Variants in MAP3K4 observed in about 807,000 individuals in gnomAD.
MAP3K4 encodes MAP three kinase 1.
A neutral mutation model predicts 185.6 loss-of-function variants in MAP3K4; 67 were observed. The ratio of observed to expected loss-of-function variants is 0.36; its 90% CI spans 0.30 to 0.44. The LOEUF is 0.44. Among genes scored for constraint, MAP3K4 ranks in the 20% least tolerant of loss-of-function variants. The pLI is 1.00. For missense variants in MAP3K4, 1,551 were observed against 1,995.1 expected (o/e 0.78, Z 4.24); for synonymous variants, 702 against 710.4 (o/e 0.99, Z 0.19).
intron 2 of MAP3K4, among the ~76,000 whole-genome samples, chr6:161,041,983 T>C (rs1002411957): frequency 7.4e-6 from 1 of 135,412 alleles, no homozygotes; most frequent in Non-Finnish European, 1.5e-5. Flanking sequence ...GCCCGGAACC[T>C]CTGGACTCAA....
intron 13 of MAP3K4, 41 bp from the exon 14 acceptor site, chr6:161,092,937 T>A: frequency 8.3e-7 from 1 of 1,204,662 alleles, no homozygotes; most frequent in Non-Finnish European, 1.2e-6. Flanking sequence ...TACAGCGTTT[T>A]CTTGGTTGTT....
intron 2 of MAP3K4, among the ~76,000 whole-genome samples, chr6:161,038,236 AC>A (rs1161238243): frequency 1.3e-5 from 2 of 152,192 alleles, no homozygotes; most frequent in African/African-American, 4.8e-5. Context: ...GACCAACAGT[AC>A]AGGCTCATCT....
intron 5 of MAP3K4, among the ~76,000 whole-genome samples, chr6:161,079,930 G>T (rs1785367598): frequency 6.6e-6 from 1 of 152,186 alleles, no homozygotes; most frequent in South Asian, 2.1e-4. Flanking sequence ...CAACAATGAA[G>T]TCTGAGATGT....
At position 161,088,015 on chromosome 6, in the gene MAP3K4, T is replaced by C; in HGVS notation, c.2823+61T>C. 6.6e-7 allele frequency: 1 copy of C among 1,517,900 alleles called. No homozygotes were observed. The highest frequency in any genetic ancestry group is 2.3e-5 in the Admixed American group (1 of 43,228). The allele number at this position is 1,517,900 out of a possible 1,614,324, so 94.0% of individuals were successfully genotyped here. A position where few individuals can be genotyped will look rare whatever the true frequency, so the allele number is the denominator to read the frequency against. ...TCAAGGACTTTTAGTAAGAATGAACTGTTAGCTGCTCATGAATGAGGGGTT... is the reference window on the plus strand; with the variant it reads ...TCAAGGACTTTTAGTAAGAATGAACCGTTAGCTGCTCATGAATGAGGGGTT... On this transcript the variant is annotated intron_variant, in intron 10 of 26. Transcript: ENST00000392142. This position sits in a 1 kb window ranked among gnomAD's most constrained non-coding sequence, Gnocchi z 4.5.
rs1777653902 is a variant in MAP3K4, at chr6:161,098,149, G to T, written c.3525-129G>T. 4 of 1,144,112 alleles carry T rather than the reference G, an allele frequency of 3.5e-6. No individual in the cohort carries two copies. Among genetic ancestry groups the T allele is most frequent in the Non-Finnish European group, 2.5e-6 (2 of 815,160 alleles). 70.9% of individuals were successfully genotyped at this position (1,144,112 alleles called of 1,614,324 possible). On this transcript the variant is annotated intron_variant, in intron 16 of 26. Coordinates refer to ENST00000392142, the MANE Select transcript of MAP3K4 (RefSeq NM_005922.4). This position sits in a 1 kb window ranked among gnomAD's most constrained non-coding sequence, Gnocchi z 4.4. Reference sequence around the variant, plus strand: ...TTTACACCTAGACTCAAATCTCAAAGAACAATTTGCATTTTATATTTTTAA... The same window carrying T: ...TTTACACCTAGACTCAAATCTCAAATAACAATTTGCATTTTATATTTTTAA...
Position 161,098,526 on chromosome 6 carries a change from T to G in MAP3K4, c.3674+99T>G, listed in dbSNP as rs1777682671. 4.9e-6 allele frequency: 7 copies of G among 1,426,638 alleles called. No individual in the cohort carries two copies. The highest frequency in any genetic ancestry group is 6.6e-6 in the Non-Finnish European group (7 of 1,065,658). The allele number at this position is 1,426,638 out of a possible 1,614,324, so 88.4% of individuals were successfully genotyped here. A position where few individuals can be genotyped will look rare whatever the true frequency, so the allele number is the denominator to read the frequency against. On this transcript the variant is annotated intron_variant, in intron 17 of 26. Transcript: ENST00000392142. This position sits in a 1 kb window ranked among gnomAD's most constrained non-coding sequence, Gnocchi z 4.4. ...GGTGTGTGCCGGCTGTGGTTGGGCTTCTTTGCTGTGGCGTGTGAGTGATGC... is the reference window on the plus strand; with the variant it reads ...GGTGTGTGCCGGCTGTGGTTGGGCTGCTTTGCTGTGGCGTGTGAGTGATGC...
intron 2 of MAP3K4, among the ~76,000 whole-genome samples, chr6:161,038,232 C>T (rs1317021950): frequency 1.3e-5 from 2 of 152,160 alleles, no homozygotes; most frequent in African/African-American, 2.4e-5. Context: ...AAATGACCAA[C>T]AGTACAGGCT....
chr6:161,001,712 C>T (rs1264892921), intron 1 of MAP3K4, among the ~76,000 whole-genome samples: 1 of 152,112 alleles, frequency 6.6e-6, no homozygotes, highest in Non-Finnish European at 1.5e-5. Flanking sequence ...TTGAATGTTA[C>T]CTTTTGATTG....
rs1313633093 is a variant in MAP3K4, at chr6:161,116,930, A to G, written c.*60A>G. On this transcript the variant is annotated 3_prime_UTR_variant, in exon 27 of 27. Transcript: ENST00000392142. This position sits in a 1 kb window ranked among gnomAD's most constrained non-coding sequence, Gnocchi z 6.2. ...AATCACTACTGTATGTAATATTTAC[A>G]TAAAGACTGTGCTGAGAAGCAGTAT... The G allele has an allele frequency of 2.7e-6, 4 of 1,488,184 alleles. No homozygotes were observed. The highest frequency in any genetic ancestry group is 4.5e-5 in the East Asian group (2 of 44,294). The allele number at this position is 1,488,184 out of a possible 1,614,324, so 92.2% of individuals were successfully genotyped here.
chr6:160,993,616 A>T (rs1042654788), intron 1 of MAP3K4, among the ~76,000 whole-genome samples: 2 of 152,252 alleles, frequency 1.3e-5, no homozygotes, highest in Non-Finnish European at 2.9e-5. Flanking sequence ...TGGGCGGATC[A>T]GAAATTAGAA....
At position 161,067,016 on chromosome 6, in the gene MAP3K4, G is replaced by T. The variant is rs771493869; in HGVS notation, c.1708-3592G>T. On this transcript the variant is annotated intron_variant, in intron 3 of 26. Coordinates refer to ENST00000392142, the MANE Select transcript of MAP3K4 (RefSeq NM_005922.4). This position sits in a 1 kb window ranked among gnomAD's most constrained non-coding sequence, Gnocchi z 6.3. ...GGCGGTGGAGGGAAGCATTTACAGC[G>T]TCTAAAGCCTTTACTTACACATACC... Among the ~76,000 whole-genome samples the T allele has an allele frequency of 6.6e-6, 1 of 152,150 alleles. No individual in the cohort carries two copies. The highest frequency in any genetic ancestry group is 1.5e-5 in the Non-Finnish European group (1 of 68,038).
rs1354685528 is a variant in MAP3K4, at chr6:161,048,326, A to G, written c.344-290A>G. The G allele has an allele frequency of 1.7e-6, 1 of 604,874 alleles. No individual in the cohort carries two copies. Among genetic ancestry groups the G allele is most frequent in the Non-Finnish European group, 3.2e-6 (1 of 308,900 alleles). 37.5% of individuals were successfully genotyped at this position (604,874 alleles called of 1,614,324 possible). A position where few individuals can be genotyped will look rare whatever the true frequency, so the allele number is the denominator to read the frequency against. ...TACGGAAATTTGGTTAAATGATTTG[A>G]TAACTATGCTTTGTAGCATAGAGAG... On this transcript the variant is annotated intron_variant, in intron 2 of 26. Transcript: ENST00000392142. This position sits in a 1 kb window ranked among gnomAD's most constrained non-coding sequence, Gnocchi z 4.7.
In MAP3K4 at chr6:161,106,407, C is replaced by T. The variant is rs1778074520; in HGVS notation, c.3857-107C>T. On this transcript the variant is annotated intron_variant, in intron 19 of 26. Transcript: ENST00000392142. The surrounding 1 kb of genome is among the most constrained non-coding windows in gnomAD (Gnocchi z 4.9). Reference sequence around the variant, plus strand: ...TTATCTGAATAGATAATAAGCTTTGCTGTAATGGAGTGCTAATATATATTG... The same window carrying T: ...TTATCTGAATAGATAATAAGCTTTGTTGTAATGGAGTGCTAATATATATTG... The T allele has an allele frequency of 2.8e-6, 2 of 706,952 alleles. No individual in the cohort carries two copies. The highest frequency in any genetic ancestry group is 4.7e-5 in the South Asian group (2 of 42,188). The allele number at this position is 706,952 out of a possible 1,614,324, so 43.8% of individuals were successfully genotyped here.
intron 3 of MAP3K4, among the ~76,000 whole-genome samples, chr6:161,055,016 A>AT (rs1784171368): frequency 6.6e-6 from 1 of 151,942 alleles, no homozygotes; most frequent in South Asian, 2.1e-4. Flanking sequence ...GTTTGTACTT[A>AT]TTTTTCCACC....
chr6:161,000,693 T>C (rs1291976737), intron 1 of MAP3K4, among the ~76,000 whole-genome samples: 1 of 151,896 alleles, frequency 6.6e-6, no homozygotes, highest in Non-Finnish European at 1.5e-5. Context: ...CTGATATATA[T>C]ACACACATAT....
intron 1 of MAP3K4, among the ~76,000 whole-genome samples, chr6:161,019,597 CAG>C (rs1227352260): frequency 6.6e-6 from 1 of 152,142 alleles, no homozygotes; most frequent in East Asian, 1.9e-4. Context: ...CTAGTAGAGA[CAG>C]GGTTTCACCA....
At position 161,028,803 on chromosome 6, in the gene MAP3K4, A is replaced by G. The variant is rs542753165; in HGVS notation, c.153-5456A>G. Among the ~76,000 whole-genome samples the G allele has an allele frequency of 3.9e-5, 6 of 152,316 alleles. No individual in the cohort carries two copies. The East Asian group carries it at 5.8e-4, about 15-fold the overall frequency. On this transcript the variant is annotated intron_variant, in intron 1 of 26. Coordinates refer to ENST00000392142, the MANE Select transcript of MAP3K4 (RefSeq NM_005922.4). ...AAACAGTGCAAAAGTTAGATAGTAC[A>G]TGTTGGATAAGCTCGAGGTTTGACC...
rs560798968 is a variant in MAP3K4 at position 161,082,462 on chromosome 6, T to C, written c.2255+1424T>C. Among the ~76,000 whole-genome samples the C allele has an allele frequency of 1.8e-4, 28 of 152,158 alleles. No individual in the cohort carries two copies. Among genetic ancestry groups the C allele is most frequent in the African/African-American group, 6.3e-4 (26 of 41,514 alleles). Reference sequence around the variant, plus strand: ...TCTTTTGCTTGTCCTTCAAATTCCCTAGAGTGCAGTCTCTGGCCTTTGCTT... The same window carrying C: ...TCTTTTGCTTGTCCTTCAAATTCCCCAGAGTGCAGTCTCTGGCCTTTGCTT... On this transcript the variant is annotated intron_variant, in intron 6 of 26. Coordinates refer to ENST00000392142, the MANE Select transcript of MAP3K4 (RefSeq NM_005922.4). This position sits in a 1 kb window ranked among gnomAD's most constrained non-coding sequence, Gnocchi z 4.2.
chr6:160,992,534 T>TCTCCTC (rs979260974), intron 1 of MAP3K4, among the ~76,000 whole-genome samples: 2 of 152,136 alleles, frequency 1.3e-5, no homozygotes, highest in Non-Finnish European at 2.9e-5. Flanking sequence ...TTCCCCGCGT[T>TCTCCTC]CTCCTCCTCC....
Sources: gnomAD v4.1 joint callset for allele counts (sites outside exome capture counted in the v4.1 genomes callset) on GRCh38, gnomAD v4.1.1 for gene constraint, Gnocchi (gnomAD v3.1) non-coding constraint, MANE v1.5 for transcripts, NCBI Gene and HGNC (gene_info 2026-07-23, HGNC 2026-07-21) for gene names.